Variants in KIAA0513 observed in about 807,000 individuals in gnomAD.
KIAA0513 encodes the protein KIAA0513.
A neutral mutation model predicts 56.5 loss-of-function variants in KIAA0513; 39 were observed. The ratio of observed to expected loss-of-function variants is 0.69; its 90% confidence interval spans 0.53 to 0.90. KIAA0513 has a LOEUF of 0.90. KIAA0513 is among the 40% of genes least tolerant of loss of function. KIAA0513 has a pLI of 0.00. For missense variants in KIAA0513, 591 were observed against 535.2 expected, an observed-to-expected ratio of 1.10 and a Z score of -1.03; for synonymous variants, 268 against 215.6, an observed-to-expected ratio of 1.24 and a Z score of -2.13.
At chr16:85,061,751 C>G (rs2073408158) in intron 1 of KIAA0513, among the ~76,000 whole-genome samples, 1 of 152,142 alleles carries the variant, frequency 6.6e-6, no homozygotes, top group Non-Finnish European at 1.5e-5. Flanking sequence ...GCAGAGCAGC[C>G]ACACCGGGGC....
intron 3 of KIAA0513, among the ~76,000 whole-genome samples, chr16:85,072,633 G>A (rs965832156): frequency 6.6e-6 from 1 of 152,168 alleles, no homozygotes; most frequent in Non-Finnish European, 1.5e-5. Flanking sequence ...TTGTCACTGT[G>A]GGGTATCTTT....
In KIAA0513 at chr16:85,081,081, C is replaced by A. The variant is rs1482317190; in HGVS notation, c.903-234C>A. On this transcript the variant is annotated intron_variant, in intron 8 of 12. Coordinates refer to ENST00000683363, the MANE Select transcript of KIAA0513 (RefSeq NM_001388359.1). The surrounding 1 kb of genome is among the most constrained non-coding windows in gnomAD (Gnocchi z 4.4). ...AGCCCGGGTTATCATAGCTTTCCCT[C>A]CCACTTGCGCCATCTCTCCTAAGAG... 6.6e-6 allele frequency among the ~76,000 whole-genome samples: 1 copy of A among 152,356 alleles called. No homozygotes were observed. Among genetic ancestry groups the A allele is most frequent in the East Asian group, 1.9e-4 (1 of 5,184 alleles).
intron 8 of KIAA0513, among the ~76,000 whole-genome samples, chr16:85,080,601 C>A (rs891919259): frequency 6.6e-6 from 1 of 152,088 alleles, no homozygotes; most frequent in African/African-American, 2.4e-5. Flanking sequence ...CGAGACCAGC[C>A]TGGTCAACAT....
At chr16:85,078,773 C>T in intron 7 of KIAA0513, 152 bp from the exon 8 acceptor site, 2 of 802,144 alleles carry the variant, frequency 2.5e-6, no homozygotes, top group Non-Finnish European at 2.1e-6. Flanking sequence ...CCGTTACTGG[C>T]TATGGCTAGC....
Position 85,065,800 on chromosome 16 carries a change from C to T in KIAA0513, c.-172-1100C>T, listed in dbSNP as rs529355906. On this transcript the variant is annotated intron_variant, in intron 1 of 12. Transcript: ENST00000683363. ...TCCCGCCTAGCTGTCTGCCTCTGTA[C>T]TGGTGAGGAAGGTTCCCCAGTACCT... Among the ~76,000 whole-genome samples the T allele has an allele frequency of 1.8e-4, 28 of 152,304 alleles. No individual in the cohort carries two copies. The South Asian group carries it at 5.6e-3, about 30-fold the overall frequency.
intron 1 of KIAA0513, among the ~76,000 whole-genome samples, chr16:85,044,146 C>G (rs554953413): frequency 6.6e-6 from 1 of 152,304 alleles, no homozygotes; most frequent in South Asian, 2.1e-4. Flanking sequence ...GGAAGCCCAC[C>G]TTATCTTTTC....
At chr16:85,067,590 C>T (rs62049888) in intron 2 of KIAA0513, among the ~76,000 whole-genome samples, 190 bp downstream of exon 2, 3 of 152,152 alleles carry the variant, frequency 2.0e-5, no homozygotes, top group Non-Finnish European at 4.4e-5. Flanking sequence ...ACGTGGAGAA[C>T]TTTAAAAGAA....
At chr16:85,086,369 C>T (rs953204751) in intron 10 of KIAA0513, among the ~76,000 whole-genome samples, 2 of 152,252 alleles carry the variant, frequency 1.3e-5, no homozygotes, top group Non-Finnish European at 2.9e-5. Context: ...CGTGGTGCTC[C>T]GTGCCTTCAG....
At chr16:85,054,689 C>G (rs1336404156) in intron 1 of KIAA0513, among the ~76,000 whole-genome samples, 1 of 152,018 alleles carries the variant, frequency 6.6e-6, no homozygotes, top group Non-Finnish European at 1.5e-5. Flanking sequence ...CTCAGCCTCC[C>G]ACAGTTCTGG....
intron 1 of KIAA0513, among the ~76,000 whole-genome samples, chr16:85,043,803 C>T (rs560891805): frequency 2.4e-4 from 37 of 152,246 alleles, no homozygotes; most frequent in Admixed American, 1.3e-3. Flanking sequence ...GAGGCCGAAG[C>T]GGGCGGATCA....
At chr16:85,035,126 C>T (rs947309510) in intron 1 of KIAA0513, among the ~76,000 whole-genome samples, 3 of 152,320 alleles carry the variant, frequency 2.0e-5, no homozygotes, top group East Asian at 1.9e-4. Context: ...AGGACATCTT[C>T]CCGGAGCCCC....
At chr16:85,039,446 G>A (rs1226889963) in intron 1 of KIAA0513, among the ~76,000 whole-genome samples, 1 of 152,138 alleles carries the variant, frequency 6.6e-6, no homozygotes, top group Non-Finnish European at 1.5e-5. Context: ...GGGACCATAG[G>A]CATGTGCCAC....
chr16:85,055,265 T>C (rs1226280314), intron 1 of KIAA0513, among the ~76,000 whole-genome samples: 9 of 151,984 alleles, frequency 5.9e-5, no homozygotes, highest in Admixed American at 5.9e-4. Context: ...TGCTTAAAAA[T>C]AGAAAAGGAG....
chr16:85,055,934 C>T (rs1597611471), intron 1 of KIAA0513, among the ~76,000 whole-genome samples: 2 of 152,294 alleles, frequency 1.3e-5, no homozygotes, highest in South Asian at 2.1e-4. Context: ...GGTGGTGCTG[C>T]GGGGCAATCT....
chr16:85,040,391 G>C (rs915946146), intron 1 of KIAA0513, among the ~76,000 whole-genome samples: 4 of 152,082 alleles, frequency 2.6e-5, no homozygotes, highest in Admixed American at 2.6e-4. Context: ...TTGGCTGGGC[G>C]TGGTGGCTCA....
At chr16:85,086,750 A>AGGGGAGAGGGGGGAGAGG in intron 11 of KIAA0513, 26 bp downstream of exon 11, 1 of 1,563,220 alleles carries the variant, frequency 6.4e-7, no homozygotes, top group South Asian at 1.1e-5. Context: ...GGAAAGCGGG[A>AGGGGAGAGGGGGGAGAGG]GGGGAGAGGG....
intron 1 of KIAA0513, among the ~76,000 whole-genome samples, chr16:85,043,878 C>G (rs917511528): frequency 6.6e-6 from 1 of 152,052 alleles, no homozygotes; most frequent in African/African-American, 2.4e-5. Flanking sequence ...ACTAAAAATA[C>G]AAAATTAGCC....
At chr16:85,083,003 T>C (rs1166895911) in intron 10 of KIAA0513, among the ~76,000 whole-genome samples, 2 of 152,234 alleles carry the variant, frequency 1.3e-5, no homozygotes, top group African/African-American at 2.4e-5. Flanking sequence ...TTGGCCTTAC[T>C]GTTCACACTG....
chr16:85,066,863 A>T (rs1263631644), intron 1 of KIAA0513, 37 bp from the exon 2 acceptor site: 3 of 481,406 alleles, frequency 6.2e-6, no homozygotes, highest in Non-Finnish European at 1.1e-5. Context: ...TCTGGTGAGG[A>T]GTGGCGCTAA....
Sources: allele counts gnomAD v4.1 joint callset (sites outside exome capture counted in the v4.1 genomes callset), GRCh38; gene constraint gnomAD v4.1.1; non-coding constraint Gnocchi (gnomAD v3.1); transcripts MANE v1.5; gene names NCBI Gene and HGNC (gene_info 2026-07-23, HGNC 2026-07-21).